VCL: variants seen among roughly 807,000 people sequenced by gnomAD.
The protein encoded by VCL is epididymis luminal protein 114.
A neutral mutation model predicts 125.7 loss-of-function variants in VCL; 47 were observed. That is an observed-to-expected ratio of 0.37 (90% CI 0.30 to 0.48). VCL has a LOEUF of 0.48. VCL is among the 20% of genes least tolerant of loss of function. VCL has a pLI of 0.99. For missense variants in VCL, 1,069 were observed against 1,455.5 expected (o/e 0.73, Z 4.32); for synonymous variants, 458 against 514.6 (o/e 0.89, Z 1.49).
intron 2 of VCL, among the ~76,000 whole-genome samples, chr10:74,063,523 C>T (rs74146312): frequency 0.063 from 9,584 of 152,196 alleles, 1,041 homozygotes; most frequent in African/African-American, 0.22. Context: ...ATTATCATAC[C>T]TCCTTCTCTC....
intron 2 of VCL, among the ~76,000 whole-genome samples, chr10:74,061,226 A>C (rs1841474321): frequency 1.3e-5 from 2 of 152,062 alleles, no homozygotes. Flanking sequence ...CACAAGACAG[A>C]CTTCTTCCTG....
At chr10:74,106,183 A>G (rs993209436) in intron 16 of VCL, among the ~76,000 whole-genome samples, 5 of 151,720 alleles carry the variant, frequency 3.3e-5, no homozygotes, top group African/African-American at 7.3e-5. Context: ...TGGCCTCCCA[A>G]AGTGCTGGGA....
chr10:74,108,181 G>A (rs1840167298), intron 17 of VCL, among the ~76,000 whole-genome samples: 1 of 152,320 alleles, frequency 6.6e-6, no homozygotes, highest in South Asian at 2.1e-4. Flanking sequence ...TGGGTGCTTG[G>A]TGGGTGTTTA....
chr10:73,998,462 G>C (rs1840158942), intron 1 of VCL, 87 bp downstream of exon 1: 2 of 1,252,676 alleles, frequency 1.6e-6, no homozygotes, highest in Non-Finnish European at 2.0e-6. Context: ...TGGCCGGCTC[G>C]CTGGCCGTGG....
chr10:74,112,351 G>A (rs771372691), intron 19 of VCL, among the ~76,000 whole-genome samples: 4 of 152,080 alleles, frequency 2.6e-5, no homozygotes, highest in East Asian at 3.9e-4. Flanking sequence ...GGTCACTTTT[G>A]GAAAGGATTC....
chr10:74,107,586 G>A (rs1840155951), intron 17 of VCL, among the ~76,000 whole-genome samples: 1 of 152,044 alleles, frequency 6.6e-6, no homozygotes, highest in African/African-American at 2.4e-5. Context: ...GTGTGGTAGT[G>A]GCTTGCTGTG....
chr10:74,007,168 G>A (rs1293260298), intron 1 of VCL, among the ~76,000 whole-genome samples: 2 of 152,088 alleles, frequency 1.3e-5, no homozygotes, highest in African/African-American at 4.8e-5. Context: ...ATATCCAAAT[G>A]GGGTTTTGCC....
In VCL at chr10:74,071,176, T is replaced by G. The variant is rs892444945; in HGVS notation, c.499+93T>G. On this transcript the variant is annotated intron_variant, in intron 4 of 21. Transcript: ENST00000211998. This position sits in a 1 kb window ranked among gnomAD's most constrained non-coding sequence, Gnocchi z 4.1. The stretch of plus-strand genomic sequence containing the variant: ...CCCTCTTCCTACTTTTTGCAGAAGA[T>G]AGGTGAAGATGCATTGGGCTTTCAG... 4.3e-6 allele frequency: 5 copies of G among 1,169,078 alleles called. No individual in the cohort carries two copies. The highest frequency in any genetic ancestry group is 6.4e-6 in the Non-Finnish European group (5 of 786,880). The allele number at this position is 1,169,078 out of a possible 1,614,324, so 72.4% of individuals were successfully genotyped here. A position where few individuals can be genotyped will look rare whatever the true frequency, so the allele number is the denominator to read the frequency against.
chr10:74,116,721 A>C (rs1458640647), intron 21 of VCL, among the ~76,000 whole-genome samples: 1 of 151,858 alleles, frequency 6.6e-6, no homozygotes, highest in African/African-American at 2.4e-5. Flanking sequence ...AAAATAAAAT[A>C]AACAACAACA....
At chr10:74,035,923 ATAT>A (rs1268444600) in intron 1 of VCL, among the ~76,000 whole-genome samples, 2 of 152,174 alleles carry the variant, frequency 1.3e-5, no homozygotes, top group Admixed American at 1.3e-4. Flanking sequence ...CATTTATATT[ATAT>A]TAGGTATTAT....
intron 1 of VCL, among the ~76,000 whole-genome samples, chr10:74,034,177 T>C (rs1277869777): frequency 6.6e-6 from 1 of 152,266 alleles, no homozygotes; most frequent in African/African-American, 2.4e-5. Flanking sequence ...CTGTTTGAAA[T>C]GCAGACCTAA....
At chr10:74,036,212 G>GT (rs895576966) in intron 1 of VCL, among the ~76,000 whole-genome samples, 80 of 151,776 alleles carry the variant, frequency 5.3e-4, no homozygotes, top group African/African-American at 1.5e-3. Flanking sequence ...TTTGTTTTTT[G>GT]TTTTTTTTAG....
At chr10:74,009,228 C>CG (rs1840375765) in intron 1 of VCL, among the ~76,000 whole-genome samples, 1 of 129,976 alleles carries the variant, frequency 7.7e-6, no homozygotes, top group Non-Finnish European at 1.7e-5. Context: ...CCCCCCCCCC[C>CG]CCGAGCCATT....
At position 74,071,915 on chromosome 10, in the gene VCL, T is replaced by A. The variant is rs1047371188; in HGVS notation, c.500-815T>A. 2.0e-5 allele frequency among the ~76,000 whole-genome samples: 3 copies of A among 152,206 alleles called. No individual in the cohort carries two copies. The highest frequency in any genetic ancestry group is 2.0e-4 in the Admixed American group (3 of 15,276). ...GTAGTCCTCTTAAAATTTCTCATAA[T>A]ACTGGCGAAAATTATATTTCCCCAA... On this transcript the variant is annotated intron_variant, in intron 4 of 21. Transcript: ENST00000211998. The surrounding 1 kb of genome is among the most constrained non-coding windows in gnomAD (Gnocchi z 4.1).
chr10:74,024,242 A>G (rs1255712322), intron 1 of VCL, among the ~76,000 whole-genome samples: 4 of 152,162 alleles, frequency 2.6e-5, no homozygotes, highest in Admixed American at 6.5e-5. Flanking sequence ...GCCAAATTCA[A>G]TTACTATATT....
chr10:74,112,875 G>C (rs538102323), intron 19 of VCL, among the ~76,000 whole-genome samples: 1 of 152,274 alleles, frequency 6.6e-6, no homozygotes, highest in African/African-American at 2.4e-5. Context: ...ATGGCACTAT[G>C]CTATCTTCTA....
chr10:74,051,346 C>T (rs2136255907), intron 2 of VCL, among the ~76,000 whole-genome samples: 1 of 152,250 alleles, frequency 6.6e-6, no homozygotes, highest in South Asian at 2.1e-4. Context: ...AAGCAATTCT[C>T]CCGCCTCAGC....
chr10:74,094,936 T>G (rs931948502), intron 11 of VCL, among the ~76,000 whole-genome samples: 5 of 152,104 alleles, frequency 3.3e-5, no homozygotes, highest in Non-Finnish European at 7.4e-5. Context: ...CATGTCTCTT[T>G]AAAAACAAAA....
At chr10:74,021,274 C>T (rs1314443120) in intron 1 of VCL, among the ~76,000 whole-genome samples, 2 of 152,092 alleles carry the variant, frequency 1.3e-5, no homozygotes, top group Non-Finnish European at 2.9e-5. Flanking sequence ...GTGTTCGTGT[C>T]TGTTTCCACC....
Sources: gnomAD v4.1 joint callset for allele counts (sites outside exome capture counted in the v4.1 genomes callset) on GRCh38, gnomAD v4.1.1 for gene constraint, Gnocchi (gnomAD v3.1) non-coding constraint, MANE v1.5 for transcripts, NCBI Gene and HGNC (gene_info 2026-07-23, HGNC 2026-07-21) for gene names.